The following CTBP2 variants were observed in gnomAD, a reference collection of about 807,000 sequenced individuals.
CTBP2 encodes C-terminal binding protein 2.
CTBP2 carries 30 observed loss-of-function variants against 80.3 expected under a neutral mutation model. That is an observed-to-expected ratio of 0.37 (90% CI 0.28 to 0.51). The LOEUF is 0.51. Ranked by LOEUF, CTBP2 falls within the 20% of genes least tolerant of loss-of-function variation. The pLI, the probability that CTBP2 is intolerant of heterozygous loss-of-function variation, is 0.93. For synonymous variants in CTBP2, 594 were observed against 587.4 expected, an observed-to-expected ratio of 1.01 and a Z score of -0.16; for missense variants, 1,212 against 1,375.3, an observed-to-expected ratio of 0.88 and a Z score of 1.88.
chr10:125,111,554 C>G (rs1322473352), intron 1 of CTBP2, among the ~76,000 whole-genome samples: 3 of 152,222 alleles, frequency 2.0e-5, no homozygotes, highest in Non-Finnish European at 4.4e-5. Flanking sequence ...TACTGTAACT[C>G]TGATTAACGG....
chr10:125,024,728 C>T (rs1443254149), intron 1 of CTBP2, among the ~76,000 whole-genome samples: 2 of 152,172 alleles, frequency 1.3e-5, no homozygotes, highest in Non-Finnish European at 2.9e-5. Context: ...CAAATGTCAT[C>T]GCCATGCAAA....
intron 2 of CTBP2, among the ~76,000 whole-genome samples, chr10:125,109,192 G>A (rs879934360): frequency 6.6e-6 from 1 of 152,208 alleles, no homozygotes; most frequent in Non-Finnish European, 1.5e-5. Context: ...TAGAGAAAAT[G>A]ATTTCCAACA....
chr10:125,114,060 CTAGTGCCCCGAGGAT>C (rs1852754897), intron 1 of CTBP2, among the ~76,000 whole-genome samples: 1 of 152,184 alleles, frequency 6.6e-6, no homozygotes, highest in Non-Finnish European at 1.5e-5. Flanking sequence ...GCGGCGTGGA[CTAGTGCCCCGAGGAT>C]TCACCAGGGG....
intron 2 of CTBP2, among the ~76,000 whole-genome samples, chr10:125,044,432 T>C (rs1960718673): frequency 7.4e-6 from 1 of 135,288 alleles, no homozygotes; most frequent in South Asian, 2.6e-4. Context: ...CACTCTGACT[T>C]TTCATCCGGA....
chr10:125,153,826 A>T (rs1860445134), intron 1 of CTBP2, among the ~76,000 whole-genome samples: 1 of 152,208 alleles, frequency 6.6e-6, no homozygotes, highest in Non-Finnish European at 1.5e-5. Context: ...ATGACTCCAT[A>T]ATAAAGTTTT....
chr10:125,152,239 G>GGGACCCCA (rs1212788080), intron 1 of CTBP2, among the ~76,000 whole-genome samples: 1 of 152,232 alleles, frequency 6.6e-6, no homozygotes, highest in East Asian at 1.9e-4. Flanking sequence ...CCGGGACCCC[G>GGGACCCCA]GGACCCCAGA....
At chr10:125,051,202 C>T (rs1470032668) in intron 2 of CTBP2, among the ~76,000 whole-genome samples, 1 of 152,212 alleles carries the variant, frequency 6.6e-6, no homozygotes, top group Non-Finnish European at 1.5e-5. Flanking sequence ...TGTCCCCACC[C>T]CAGACACCAT....
rs1208438166 is a variant in CTBP2 at position 124,989,222 on chromosome 10, T to C, written c.*296A>G. The C allele has an allele frequency of 1.0e-5, 4 of 390,814 alleles. No individual in the cohort carries two copies. In the Admixed American group the frequency reaches 1.6e-4, roughly 16 times the overall value. The allele number at this position is 390,814 out of a possible 1,614,324, so 24.2% of individuals were successfully genotyped here. ...TCAGGACCTGCTGTGCCCAAGGGAC[T>C]GATAAAGGAAAAAGCTCTATTTATT... On this transcript the variant is annotated 3_prime_UTR_variant, in exon 9 of 9. Coordinates refer to ENST00000309035, the MANE Select transcript of CTBP2 (RefSeq NM_022802.3).
chr10:125,017,363 G>A (rs191139526), intron 1 of CTBP2, among the ~76,000 whole-genome samples: 2 of 152,266 alleles, frequency 1.3e-5, no homozygotes, highest in Admixed American at 1.3e-4. Flanking sequence ...CGGGTTCATC[G>A]GTCCCATCTT....
chr10:125,013,978 A>T (rs934211861), intron 1 of CTBP2, among the ~76,000 whole-genome samples: 1 of 152,200 alleles, frequency 6.6e-6, no homozygotes, highest in Admixed American at 6.5e-5. Flanking sequence ...AACCAGGCAC[A>T]CAAAATCAAG....
intron 2 of CTBP2, among the ~76,000 whole-genome samples, chr10:125,102,701 TG>T (rs1347972008): frequency 6.6e-6 from 1 of 152,186 alleles, no homozygotes; most frequent in African/African-American, 2.4e-5. Context: ...TTTTAACAAA[TG>T]TGGGACTGGG....
chr10:125,140,045 A>C (rs1283043677), intron 1 of CTBP2, among the ~76,000 whole-genome samples: 1 of 152,074 alleles, frequency 6.6e-6, no homozygotes, highest in Non-Finnish European at 1.5e-5. Context: ...TGGGGTGTCC[A>C]CCCACCTTTC....
intron 1 of CTBP2, among the ~76,000 whole-genome samples, chr10:125,121,622 G>A (rs1245959737): frequency 6.6e-6 from 1 of 152,222 alleles, no homozygotes; most frequent in Non-Finnish European, 1.5e-5. Flanking sequence ...CATGAAGGAA[G>A]CACCCAAAGA....
chr10:125,131,365 C>A (rs567999808), intron 1 of CTBP2, among the ~76,000 whole-genome samples: 1 of 152,126 alleles, frequency 6.6e-6, no homozygotes, highest in East Asian at 1.9e-4. Flanking sequence ...GGCACCTAGC[C>A]GAACCCAAAG....
chr10:125,103,011 T>A (rs1269661686), intron 2 of CTBP2, among the ~76,000 whole-genome samples: 1 of 152,160 alleles, frequency 6.6e-6, no homozygotes, highest in Non-Finnish European at 1.5e-5. Context: ...CTGCATGGGT[T>A]TAGACTCCCC....
At chr10:125,101,273 C>A (rs1381106071) in intron 2 of CTBP2, among the ~76,000 whole-genome samples, 8 of 152,236 alleles carry the variant, frequency 5.3e-5, no homozygotes, top group Non-Finnish European at 1.2e-4. Context: ...GAGAGAAAGC[C>A]TCATGTCTTC....
chr10:125,131,858 C>A (rs564613965), intron 1 of CTBP2, among the ~76,000 whole-genome samples: 1 of 152,094 alleles, frequency 6.6e-6, no homozygotes, highest in Non-Finnish European at 1.5e-5. Flanking sequence ...TTAGTGCTGC[C>A]GGGAAGCGAC....
At chr10:125,121,276 G>A (rs537690175) in intron 1 of CTBP2, among the ~76,000 whole-genome samples, 11 of 152,344 alleles carry the variant, frequency 7.2e-5, no homozygotes, top group South Asian at 4.1e-4. Flanking sequence ...TCAGCGTGGC[G>A]CCTGGCACGC....
intron 2 of CTBP2, 100 bp downstream of exon 4, chr10:125,003,238 T>C: frequency 6.3e-7 from 1 of 1,583,540 alleles, no homozygotes. Flanking sequence ...GAACAGGGGT[T>C]CTGGGGCCTG....
Sources: allele counts gnomAD v4.1 joint callset (sites outside exome capture counted in the v4.1 genomes callset), GRCh38; gene constraint gnomAD v4.1.1; transcripts MANE v1.5; gene names NCBI Gene and HGNC (gene_info 2026-07-23, HGNC 2026-07-21).